LIN28B: variants seen among roughly 807,000 people sequenced by gnomAD.
The protein encoded by LIN28B is protein lin-28 homolog B.
Under a neutral mutation model 21.9 loss-of-function variants are expected in LIN28B, and 5 were observed. The observed-to-expected ratio is 0.23, with a 90% CI of 0.12 to 0.48. LIN28B has a LOEUF of 0.48. Among genes scored for constraint, LIN28B ranks in the 20% least tolerant of loss-of-function variants. The pLI is 0.98. For missense variants in LIN28B, 245 were observed against 310.5 expected (o/e 0.79, Z 1.58); for synonymous variants, 109 against 111.3 (o/e 0.98, Z 0.13).
At chr6:105,020,170 G>A (rs375172535) in intron 2 of LIN28B, among the ~76,000 whole-genome samples, 33 of 141,940 alleles carry the variant, frequency 2.3e-4, no homozygotes, top group African/African-American at 8.9e-4. Context: ...TTGGAGTGCA[G>A]TGGCGTAATC....
chr6:104,983,876 G>A (rs117435571), intron 2 of LIN28B, among the ~76,000 whole-genome samples: 2,511 of 152,230 alleles, frequency 0.016, 35 homozygotes, highest in Non-Finnish European at 0.023. Flanking sequence ...ATGCCTGGTC[G>A]ATTCTCCAGG....
intron 2 of LIN28B, among the ~76,000 whole-genome samples, chr6:104,999,720 G>T (rs1008824537): frequency 2.0e-5 from 3 of 151,828 alleles, no homozygotes; most frequent in Non-Finnish European, 4.4e-5. Flanking sequence ...CGTTCTTGTC[G>T]CCCAGGCTGG....
intron 3 of LIN28B, among the ~76,000 whole-genome samples, chr6:105,050,374 G>T (rs1374818532): frequency 1.3e-5 from 2 of 151,734 alleles, no homozygotes; most frequent in African/African-American, 4.8e-5. Flanking sequence ...AGGCCGAGGC[G>T]GGTGGATCAT....
chr6:104,970,091 G>A (rs1769943326), intron 2 of LIN28B, among the ~76,000 whole-genome samples: 1 of 152,160 alleles, frequency 6.6e-6, no homozygotes, highest in Non-Finnish European at 1.5e-5. Flanking sequence ...ACAGTTAGGT[G>A]ATTTTACCTC....
intron 2 of LIN28B, among the ~76,000 whole-genome samples, chr6:104,945,662 A>G (rs1037821436): frequency 1.3e-5 from 2 of 152,002 alleles, no homozygotes; most frequent in Non-Finnish European, 2.9e-5. Context: ...CTTTTCTTCA[A>G]CGTGATCTAA....
intron 2 of LIN28B, among the ~76,000 whole-genome samples, chr6:104,998,853 A>G (rs1394647141): frequency 6.6e-6 from 1 of 152,180 alleles, no homozygotes; most frequent in Non-Finnish European, 1.5e-5. Flanking sequence ...GGTATTGTGC[A>G]TGACTAAGGA....
rs1769832038 is a variant in LIN28B at position 104,965,327 on chromosome 6, A to C, written c.198+7041A>C. Reference sequence around the variant, plus strand: ...GGCAGATTGAGCCCAGGAGTTTTAGACCAGCCTGGGTAACATGGCAAAACT... The same window carrying C: ...GGCAGATTGAGCCCAGGAGTTTTAGCCCAGCCTGGGTAACATGGCAAAACT... On this transcript the variant is annotated intron_variant, in intron 2 of 3. Transcript: ENST00000345080. 2.0e-5 allele frequency among the ~76,000 whole-genome samples: 3 copies of C among 152,136 alleles called. No individual in the cohort carries two copies. In the South Asian group the frequency reaches 6.2e-4, roughly 32 times the overall value.
chr6:104,993,595 G>A (rs1035244303), intron 2 of LIN28B, among the ~76,000 whole-genome samples: 2 of 152,142 alleles, frequency 1.3e-5, no homozygotes, highest in Non-Finnish European at 2.9e-5. Flanking sequence ...CAGCACTTTG[G>A]GAGGCCGAGG....
At chr6:104,938,488 A>T (rs1778038762) in intron 2 of LIN28B, among the ~76,000 whole-genome samples, 1 of 151,882 alleles carries the variant, frequency 6.6e-6, no homozygotes, top group Non-Finnish European at 1.5e-5. Context: ...AAAATACAAA[A>T]ATTAGCTGCG....
At chr6:105,057,080 CTT>C (rs1482402426) in intron 3 of LIN28B, among the ~76,000 whole-genome samples, 1 of 152,080 alleles carries the variant, frequency 6.6e-6, no homozygotes, top group East Asian at 1.9e-4. Flanking sequence ...GTATTCATAA[CTT>C]TTTTTGTAAT....
intron 2 of LIN28B, among the ~76,000 whole-genome samples, chr6:105,014,206 G>T (rs1446087533): frequency 6.6e-6 from 1 of 151,920 alleles, no homozygotes; most frequent in Non-Finnish European, 1.5e-5. Context: ...GCAATACAGT[G>T]GCACAATCAC....
At chr6:105,011,868 A>G (rs1410043440) in intron 2 of LIN28B, among the ~76,000 whole-genome samples, 1 of 149,492 alleles carries the variant, frequency 6.7e-6, no homozygotes, top group Non-Finnish European at 1.5e-5. Flanking sequence ...AAATAAACAA[A>G]TAAACTGCCG....
At position 105,082,809 on chromosome 6, in the gene LIN28B, A is replaced by G. The variant is rs1176496890; in HGVS notation, c.*4026A>G. ...AAAGTACTGTACTGTGAGAAGTATTATGATATTTAATGCATCTGTGGCTTA... is the reference window on the plus strand; with the variant it reads ...AAAGTACTGTACTGTGAGAAGTATTGTGATATTTAATGCATCTGTGGCTTA... On this transcript the variant is annotated 3_prime_UTR_variant, in exon 4 of 4. Coordinates refer to ENST00000345080, the MANE Select transcript of LIN28B (RefSeq NM_001004317.4). 6.5e-6 allele frequency: 1 copy of G among 152,680 alleles called. No homozygotes were observed. Among genetic ancestry groups the G allele is most frequent in the Non-Finnish European group, 1.5e-5 (1 of 68,046 alleles). 9.5% of individuals were successfully genotyped at this position (152,680 alleles called of 1,614,324 possible).
chr6:105,075,581 T>C (rs1245653546), intron 3 of LIN28B, among the ~76,000 whole-genome samples: 1 of 152,182 alleles, frequency 6.6e-6, no homozygotes, highest in Non-Finnish European at 1.5e-5. Flanking sequence ...ATAGCACATA[T>C]CAGGAAAGCC....
intron 2 of LIN28B, among the ~76,000 whole-genome samples, chr6:104,958,822 A>G (rs1769646114): frequency 6.6e-6 from 1 of 152,238 alleles, no homozygotes; most frequent in Non-Finnish European, 1.5e-5. Flanking sequence ...AAAATAAAAT[A>G]GAACACTGTT....
At chr6:104,945,583 C>G (rs1778147110) in intron 2 of LIN28B, among the ~76,000 whole-genome samples, 1 of 151,884 alleles carries the variant, frequency 6.6e-6, no homozygotes, top group South Asian at 2.1e-4. Flanking sequence ...ATGTGATTAC[C>G]TTTTTTAAGG....
intron 2 of LIN28B, among the ~76,000 whole-genome samples, chr6:104,977,400 C>A (rs963712425): frequency 2.0e-5 from 3 of 152,204 alleles, no homozygotes; most frequent in South Asian, 2.1e-4. Flanking sequence ...TTGCTTACTT[C>A]CTTCTTATAA....
At chr6:105,029,808 A>G (rs1177111153) in intron 3 of LIN28B, among the ~76,000 whole-genome samples, 1 of 152,172 alleles carries the variant, frequency 6.6e-6, no homozygotes, top group African/African-American at 2.4e-5. Flanking sequence ...GGTTTTTCCT[A>G]GTTGAGAATG....
At chr6:104,943,767 A>G (rs1311202547) in intron 2 of LIN28B, among the ~76,000 whole-genome samples, 1 of 152,152 alleles carries the variant, frequency 6.6e-6, no homozygotes, top group Non-Finnish European at 1.5e-5. Flanking sequence ...TTCTTTACAA[A>G]TAACTACTGT....
Sources: gnomAD v4.1 joint callset for allele counts (sites outside exome capture counted in the v4.1 genomes callset) on GRCh38, gnomAD v4.1.1 for gene constraint, MANE v1.5 for transcripts, NCBI Gene and HGNC (gene_info 2026-07-23, HGNC 2026-07-21) for gene names.